The following ERBB4 variants were observed in gnomAD, a reference collection of about 807,000 sequenced individuals.
The protein encoded by ERBB4 is erb-b2 receptor tyrosine kinase 4.
In ERBB4, 42 loss-of-function variants were observed where a neutral mutation model predicts 158.0. The observed-to-expected ratio is 0.27, with a 90% CI of 0.21 to 0.34. ERBB4 has a LOEUF of 0.34. Among genes scored for constraint, ERBB4 ranks in the 10% least tolerant of loss-of-function variants. The pLI is 1.00. For missense variants in ERBB4, 1,333 were observed against 1,624.1 expected, an observed-to-expected ratio of 0.82 and a Z score of 3.08; for synonymous variants, 583 against 558.7, an observed-to-expected ratio of 1.04 and a Z score of -0.61.
At chr2:211,678,958 C>A in intron 13 of ERBB4, 94 bp downstream of exon 13, 3 of 1,137,458 alleles carry the variant, frequency 2.6e-6, no homozygotes, top group South Asian at 1.4e-5. Flanking sequence ...CAGAGCGAGA[C>A]TCCGTCTCAA....
chr2:212,029,235 C>T (rs1361511096), intron 2 of ERBB4, among the ~76,000 whole-genome samples: 1 of 152,110 alleles, frequency 6.6e-6, no homozygotes, highest in Non-Finnish European at 1.5e-5. Flanking sequence ...GAAGGAGTCA[C>T]AGAGCTGTAA....
intron 3 of ERBB4, among the ~76,000 whole-genome samples, chr2:211,872,129 T>G (rs2078363606): frequency 6.6e-6 from 1 of 152,216 alleles, no homozygotes; most frequent in South Asian, 2.1e-4. Flanking sequence ...CCGTGCTTGC[T>G]AAATAACATT....
chr2:211,475,184 A>T (rs749803379), intron 20 of ERBB4, among the ~76,000 whole-genome samples: 2 of 152,138 alleles, frequency 1.3e-5, no homozygotes, highest in South Asian at 2.1e-4. Flanking sequence ...ATTTGACATG[A>T]TAATATAAAT....
chr2:211,386,345 A>G (rs1595062), intron 27 of ERBB4, among the ~76,000 whole-genome samples: 109,625 of 152,050 alleles, frequency 0.72, 39,986 homozygotes, highest in African/African-American at 0.84. Flanking sequence ...GAAAAACGTC[A>G]TATAAGAACA....
At position 212,197,765 on chromosome 2, in the gene ERBB4, A is replaced by G. The variant is rs532142315; in HGVS notation, c.83-72862T>C. On this transcript the variant is annotated intron_variant, in intron 1 of 27. Coordinates refer to ENST00000342788, the MANE Select transcript of ERBB4 (RefSeq NM_005235.3). ...CCCTGTAACTATATAGCTAAGTAGC[A>G]TTTTTGAAGGGTCTATGAAAAAGTG... 9.2e-5 allele frequency among the ~76,000 whole-genome samples: 14 copies of G among 152,288 alleles called. No homozygotes were observed. In the East Asian group the frequency reaches 1.2e-3, roughly 13 times the overall value.
chr2:211,907,795 T>C (rs902537776), intron 3 of ERBB4, among the ~76,000 whole-genome samples: 1 of 151,678 alleles, frequency 6.6e-6, no homozygotes, highest in Admixed American at 6.6e-5. Context: ...CTCTCCATAG[T>C]GTTATAGGTC....
chr2:211,421,248 G>C (rs570548402), intron 24 of ERBB4, among the ~76,000 whole-genome samples: 1 of 151,806 alleles, frequency 6.6e-6, no homozygotes, highest in African/African-American at 2.4e-5. Context: ...TAATTTTGGG[G>C]AAAAAATAAA....
At chr2:211,494,479 C>G (rs984279387) in intron 20 of ERBB4, among the ~76,000 whole-genome samples, 1 of 152,048 alleles carries the variant, frequency 6.6e-6, no homozygotes, top group African/African-American at 2.4e-5. Context: ...CAAAATGCAG[C>G]ATTATTATTT....
intron 1 of ERBB4, among the ~76,000 whole-genome samples, chr2:212,286,600 T>TTTTTTTTGTTTTGG (rs1285718598): frequency 3.8e-5 from 3 of 79,192 alleles, no homozygotes; most frequent in East Asian, 2.6e-4. Flanking sequence ...CTGACTTTTT[T>TTTTTTTTGTTTTGG]TTTTTTTTTT....
chr2:212,317,950 G>C (rs2087369173), intron 1 of ERBB4, among the ~76,000 whole-genome samples: 1 of 151,552 alleles, frequency 6.6e-6, no homozygotes, highest in South Asian at 2.1e-4. Flanking sequence ...CACAAAAGAA[G>C]TTAAAAAAGA....
At chr2:211,968,332 T>C (rs1438728418) in intron 2 of ERBB4, among the ~76,000 whole-genome samples, 1 of 152,016 alleles carries the variant, frequency 6.6e-6, no homozygotes, top group African/African-American at 2.4e-5. Flanking sequence ...GTGAAGCAAA[T>C]GAAGCATCAT....
At chr2:212,398,576 TAA>T (rs536734893) in intron 1 of ERBB4, among the ~76,000 whole-genome samples, 15 of 152,314 alleles carry the variant, frequency 9.8e-5, no homozygotes, top group African/African-American at 3.6e-4. Flanking sequence ...GATGTTGACT[TAA>T]AGATGGAGCT....
At chr2:211,954,519 T>C (rs140801254) in intron 2 of ERBB4, among the ~76,000 whole-genome samples, 123 of 152,208 alleles carry the variant, frequency 8.1e-4, no homozygotes, top group African/African-American at 2.7e-3. Flanking sequence ...AATTAGATAT[T>C]ATCCACAAAA....
At chr2:211,420,289 T>G in intron 25 of ERBB4, 152 bp downstream of exon 25, 1 of 634,242 alleles carries the variant, frequency 1.6e-6, no homozygotes, top group Non-Finnish European at 2.8e-6. Context: ...TATAGCAAGA[T>G]TGGCACATCT....
At chr2:211,680,447 C>T (rs2072287597) in intron 12 of ERBB4, among the ~76,000 whole-genome samples, 1 of 152,124 alleles carries the variant, frequency 6.6e-6, no homozygotes, top group African/African-American at 2.4e-5. Flanking sequence ...ACATCAAAAT[C>T]AACTTTATCT....
chr2:211,976,728 CA>C (rs1392613616), intron 2 of ERBB4, among the ~76,000 whole-genome samples: 1 of 151,840 alleles, frequency 6.6e-6, no homozygotes, highest in East Asian at 1.9e-4. Flanking sequence ...ATCAGTTGTA[CA>C]AAAAATCATA....
intron 8 of ERBB4, among the ~76,000 whole-genome samples, chr2:211,713,092 T>C (rs749977975): frequency 1.4e-4 from 21 of 152,194 alleles, no homozygotes; most frequent in Non-Finnish European, 2.9e-4. Flanking sequence ...ATAGATCTCA[T>C]CTTTCAAAAT....
chr2:211,866,759 T>C (rs1336525079), intron 3 of ERBB4, among the ~76,000 whole-genome samples: 1 of 152,150 alleles, frequency 6.6e-6, no homozygotes, highest in Non-Finnish European at 1.5e-5. Context: ...CAATTGTTTT[T>C]CAATAAAGGT....
At chr2:211,970,783 A>C (rs988390620) in intron 2 of ERBB4, among the ~76,000 whole-genome samples, 3 of 152,082 alleles carry the variant, frequency 2.0e-5, no homozygotes, top group East Asian at 1.9e-4. Context: ...AGCATGTGAG[A>C]TGGGTCTCTT....
Sources: gnomAD v4.1 joint callset for allele counts (sites outside exome capture counted in the v4.1 genomes callset) on GRCh38, gnomAD v4.1.1 for gene constraint, MANE v1.5 for transcripts, NCBI Gene and HGNC (gene_info 2026-07-23, HGNC 2026-07-21) for gene names.